Variants in OTUD7B observed in about 807,000 individuals in gnomAD.
OTUD7B encodes OTU domain-containing protein 7B.
In OTUD7B, 34 loss-of-function variants were observed where a neutral mutation model predicts 82.2. That is an observed-to-expected ratio of 0.41 (90% confidence interval 0.31 to 0.55). OTUD7B has a LOEUF of 0.55. Among genes scored for constraint, OTUD7B ranks in the 20% least tolerant of loss-of-function variants. The pLI, the probability that OTUD7B is intolerant of heterozygous loss-of-function variation, is 0.20. For missense variants in OTUD7B, 944 were observed against 1,062.1 expected (o/e 0.89, Z 1.55); for synonymous variants, 398 against 402.7 (o/e 0.99, Z 0.14).
At chr1:150,013,798 T>C (rs1302050653), upstream of OTUD7B, among the ~76,000 whole-genome samples, 1 of 150,212 alleles carries the variant, frequency 6.7e-6, no homozygotes, top group Non-Finnish European at 1.5e-5. Context: ...GGCGGGCGCC[T>C]GTAGTCCCAG....
intron 11 of OTUD7B, among the ~76,000 whole-genome samples, chr1:149,946,803 A>G (rs1361467300): frequency 2.1e-5 from 3 of 145,042 alleles, no homozygotes; most frequent in African/African-American, 7.7e-5. Flanking sequence ...TTGTAATCCC[A>G]GCACTGTGGG....
In OTUD7B at chr1:149,944,177, G is replaced by A. The variant is rs782313356; in HGVS notation, c.2212C>T (p.Arg738Ter). The A allele has an allele frequency of 4.3e-6, 7 of 1,613,862 alleles. No individual in the cohort carries two copies. The highest frequency in any genetic ancestry group is 5.9e-6 in the Non-Finnish European group (7 of 1,179,828). ...ATFPRQCPPG[R>*]PYPHQDSIPS... ...ATGCTGTCCTGGTGGGGGTAGGGTCGCCCAGGAGGGCACTGTCTGGGGAAG... is the reference window on the plus strand; with the variant it reads ...ATGCTGTCCTGGTGGGGGTAGGGTCACCCAGGAGGGCACTGTCTGGGGAAG... The change falls in exon 12 of 12, where the codon CGA (arginine) becomes TGA (stop). Residue 738 changes from arginine (R) to a stop codon, truncating the protein, a stop_gained. Coordinates refer to ENST00000581312, the MANE Select transcript of OTUD7B (RefSeq NM_020205.4). LOFTEE classifies it high-confidence loss of function.
At chr1:149,956,189 T>C (rs1242408546) in intron 7 of OTUD7B, among the ~76,000 whole-genome samples, 1 of 152,196 alleles carries the variant, frequency 6.6e-6, no homozygotes, top group African/African-American at 2.4e-5. Flanking sequence ...TTCCTTTCCA[T>C]GTTTAGTGCT....
chr1:149,986,373 A>G (rs185210111), intron 1 of OTUD7B, among the ~76,000 whole-genome samples: 1 of 152,310 alleles, frequency 6.6e-6, no homozygotes, highest in East Asian at 1.9e-4. Flanking sequence ...TTTATTTGCA[A>G]CAAATTTCTC....
intron 1 of OTUD7B, among the ~76,000 whole-genome samples, chr1:150,004,793 C>A (rs1305361502): frequency 6.6e-6 from 1 of 152,046 alleles, no homozygotes; most frequent in African/African-American, 2.4e-5. Context: ...CTTTCAGCTC[C>A]AATATGAAAT....
chr1:149,945,108 T>TG lies in OTUD7B; in HGVS notation c.1324-44dup, dbSNP rs374938375. ...ACTGTTGACAGTTATCCCAGCAGCC[T>TG]GGGGTGGGGGAATCCCCCAGGGACC... On this transcript the variant is annotated intron_variant, in intron 11 of 11. Coordinates refer to ENST00000581312, the MANE Select transcript of OTUD7B (RefSeq NM_020205.4). 6 of 1,580,752 alleles carry TG rather than the reference T, an allele frequency of 3.8e-6. No individual in the cohort carries two copies. In the African/African-American group the frequency reaches 6.7e-5, roughly 18 times the overall value.
At chr1:150,001,767 G>A (rs1169111771) in intron 1 of OTUD7B, among the ~76,000 whole-genome samples, 2 of 152,152 alleles carry the variant, frequency 1.3e-5, no homozygotes, top group Non-Finnish European at 2.9e-5. Context: ...CCAAACCAAG[G>A]CCCTTCTCTG....
At chr1:149,964,542 T>G (rs782112077) in intron 5 of OTUD7B, among the ~76,000 whole-genome samples, 193 bp from the exon 6 acceptor site, 3 of 151,996 alleles carry the variant, frequency 2.0e-5, no homozygotes, top group African/African-American at 7.3e-5. Flanking sequence ...GCAAATAATA[T>G]ATTAAGTTGT....
the OTUD7B span, among the ~76,000 whole-genome samples, chr1:150,017,077 C>G: frequency 1.3e-5 from 2 of 152,188 alleles, 1 homozygote; most frequent in African/African-American, 4.8e-5. Flanking sequence ...CAAGTATTTG[C>G]TCATAAGTGA....
intron 10 of OTUD7B, 65 bp downstream of exon 10, chr1:149,948,904 A>G: frequency 9.4e-7 from 1 of 1,061,674 alleles, no homozygotes; most frequent in Non-Finnish European, 1.5e-6. Context: ...AATCCCTGGG[A>G]GATGGATGCC....
chr1:149,953,635 G>A (rs1648440179), intron 7 of OTUD7B, among the ~76,000 whole-genome samples: 1 of 152,146 alleles, frequency 6.6e-6, no homozygotes, highest in African/African-American at 2.4e-5. Context: ...AAATTACCTT[G>A]GGCAGTATGG....
chr1:149,999,143 C>G (rs1652108772), intron 1 of OTUD7B, among the ~76,000 whole-genome samples: 1 of 152,082 alleles, frequency 6.6e-6, no homozygotes. Context: ...AATCAAGCAG[C>G]AAACATCAAG....
the OTUD7B span, among the ~76,000 whole-genome samples, chr1:150,063,295 T>C: frequency 4.0e-5 from 6 of 151,888 alleles, no homozygotes; most frequent in African/African-American, 1.2e-4. Flanking sequence ...GTACTAAAAA[T>C]ACAAAAATTA....
the OTUD7B span, among the ~76,000 whole-genome samples, chr1:150,039,248 TTC>T: frequency 6.6e-6 from 1 of 152,296 alleles, no homozygotes; most frequent in South Asian, 2.1e-4. Context: ...CTATCCTCAA[TTC>T]TCTCTTCATA....
At chr1:150,035,888 C>T in the OTUD7B span, among the ~76,000 whole-genome samples, 108 of 151,892 alleles carry the variant, frequency 7.1e-4, no homozygotes, top group African/African-American at 2.5e-3. Context: ...TCTTTGCCTG[C>T]TACTTACGCA....
the OTUD7B span, among the ~76,000 whole-genome samples, chr1:150,050,320 C>CA: frequency 6.6e-6 from 1 of 151,814 alleles, no homozygotes; most frequent in African/African-American, 2.4e-5. Context: ...AAAATTTAAA[C>CA]AATAAAAAGA....
the OTUD7B span, among the ~76,000 whole-genome samples, chr1:150,018,718 A>G: frequency 6.6e-6 from 1 of 152,140 alleles, no homozygotes; most frequent in African/African-American, 2.4e-5. Flanking sequence ...CATCTTATTC[A>G]GGAAAAAAGA....
In OTUD7B at chr1:149,997,551, ACTAATTGTAT is replaced by A. The variant is rs1651998274; in HGVS notation, c.-67+12887_-67+12896del. On this transcript the variant is annotated intron_variant, in intron 1 of 11. Coordinates refer to ENST00000581312, the MANE Select transcript of OTUD7B (RefSeq NM_020205.4). ...CTTCTTGCAGGGAGAGTGGGGGGACACTAATTGTATCTTCAAATTGGGAGTCAGAGAGACT... is the reference window on the plus strand; with the variant it reads ...CTTCTTGCAGGGAGAGTGGGGGGACACTTCAAATTGGGAGTCAGAGAGACT... Among the ~76,000 whole-genome samples the A allele has an allele frequency of 2.0e-5, 3 of 152,186 alleles. No individual in the cohort carries two copies. The East Asian group carries it at 5.8e-4, about 29-fold the overall frequency.
chr1:150,057,091 G>A, the OTUD7B span, among the ~76,000 whole-genome samples: 1 of 152,168 alleles, frequency 6.6e-6, no homozygotes, highest in Non-Finnish European at 1.5e-5. Context: ...TGTATGCCAT[G>A]ATATTGAGAA....
Sources: allele counts gnomAD v4.1 joint callset (sites outside exome capture counted in the v4.1 genomes callset), GRCh38; gene constraint gnomAD v4.1.1; transcripts MANE v1.5; gene names NCBI Gene and HGNC (gene_info 2026-07-23, HGNC 2026-07-21).